Variants in PTK2 observed in about 807,000 individuals in gnomAD.
The protein encoded by PTK2 is focal adhesion kinase 1.
PTK2 carries 45 observed loss-of-function variants against 150.1 expected under a neutral mutation model. That is an observed-to-expected ratio of 0.30 (90% CI 0.24 to 0.38). PTK2 has a LOEUF of 0.38. PTK2 is among the 10% of genes least tolerant of loss of function. The pLI, the probability that PTK2 is intolerant of heterozygous loss-of-function variation, is 1.00. For synonymous variants in PTK2, 432 were observed against 449.2 expected (o/e 0.96, Z 0.48); for missense variants, 919 against 1,307.3 (o/e 0.70, Z 4.58).
At chr8:140,724,139 AC>A in intron 22 of PTK2, among the ~76,000 whole-genome samples, 1 of 152,166 alleles carries the variant, frequency 6.6e-6, no homozygotes, top group Non-Finnish European at 1.5e-5. Context: ...AGATAGATAA[AC>A]AAGCTGCTTC....
At chr8:140,694,877 T>G (rs1452414425) in intron 26 of PTK2, among the ~76,000 whole-genome samples, 1 of 152,160 alleles carries the variant, frequency 6.6e-6, no homozygotes, top group African/African-American at 2.4e-5. Flanking sequence ...CTTGACAGTG[T>G]CACGAGAGCT....
chr8:140,939,251 CATTTT>C (rs1223840519), intron 1 of PTK2, among the ~76,000 whole-genome samples: 2 of 152,154 alleles, frequency 1.3e-5, no homozygotes, highest in East Asian at 1.9e-4. Flanking sequence ...AAAAACTATA[CATTTT>C]ATTTTTAAAT....
chr8:140,681,337 C>T (rs958494344), intron 27 of PTK2, among the ~76,000 whole-genome samples: 25 of 144,736 alleles, frequency 1.7e-4, no homozygotes, highest in African/African-American at 3.4e-4. Context: ...TAGGTGACAG[C>T]GCGAGACTCC....
chr8:140,899,887 T>G (rs573934745), intron 2 of PTK2, among the ~76,000 whole-genome samples: 48 of 152,302 alleles, frequency 3.2e-4, no homozygotes, highest in African/African-American at 1.0e-3. Context: ...GAAAAAGCAT[T>G]TGATAAAATT....
At chr8:140,980,477 C>T (rs572284358) in intron 1 of PTK2, among the ~76,000 whole-genome samples, 1 of 151,866 alleles carries the variant, frequency 6.6e-6, no homozygotes, top group African/African-American at 2.4e-5. Context: ...AAAAAATTAG[C>T]CGGGCATGGT....
At chr8:140,798,044 G>A (rs140893166) in intron 12 of PTK2, among the ~76,000 whole-genome samples, 1 of 152,240 alleles carries the variant, frequency 6.6e-6, no homozygotes, top group African/African-American at 2.4e-5. Context: ...CATGTAGAAT[G>A]TACTGATCAC....
At chr8:140,700,062 A>G (rs903482583) in intron 26 of PTK2, among the ~76,000 whole-genome samples, 10 of 152,222 alleles carry the variant, frequency 6.6e-5, no homozygotes, top group African/African-American at 2.4e-4. Flanking sequence ...GATTATTTGC[A>G]TTCTGCTGCA....
At chr8:140,744,145 T>C (rs533133013) in intron 19 of PTK2, among the ~76,000 whole-genome samples, 2 of 152,006 alleles carry the variant, frequency 1.3e-5, no homozygotes, top group African/African-American at 2.4e-5. Context: ...AATTCTAATA[T>C]GATACTTGGC....
At chr8:140,694,767 CACA>C (rs2100025443) in intron 26 of PTK2, among the ~76,000 whole-genome samples, 2 of 152,162 alleles carry the variant, frequency 1.3e-5, no homozygotes, top group African/African-American at 4.8e-5. Context: ...TAAAAAGGAC[CACA>C]ACGAGATATA....
At chr8:140,932,458 C>T (rs2100172174) in intron 1 of PTK2, among the ~76,000 whole-genome samples, 1 of 152,010 alleles carries the variant, frequency 6.6e-6, no homozygotes. Context: ...TCCAGTGATC[C>T]ACCCGCATCA....
intron 7 of PTK2, chr8:140,832,765 G>A: frequency 2.0e-6 from 1 of 509,074 alleles, no homozygotes; most frequent in South Asian, 1.4e-5. Context: ...CAGAAAGGTG[G>A]GTGGGCATCA....
At chr8:140,783,715 G>T (rs1284327257) in intron 14 of PTK2, among the ~76,000 whole-genome samples, 1 of 152,132 alleles carries the variant, frequency 6.6e-6, no homozygotes, top group African/African-American at 2.4e-5. Context: ...TTCATTAAAT[G>T]TTTTAATAGT....
intron 14 of PTK2, among the ~76,000 whole-genome samples, chr8:140,777,930 C>T (rs1451674398): frequency 5.3e-5 from 8 of 152,212 alleles, no homozygotes; most frequent in Non-Finnish European, 1.2e-4. Context: ...TTTCCCATGC[C>T]TTCAACTGCC....
At chr8:140,909,619 T>C (rs1254611086) in intron 2 of PTK2, 2 of 152,230 alleles carry the variant, frequency 1.3e-5, no homozygotes, top group Non-Finnish European at 2.9e-5. Context: ...ACAGGTTCCA[T>C]ACCTGTAAAG....
chr8:140,673,631 T>A (rs1170002326), intron 29 of PTK2, among the ~76,000 whole-genome samples: 1 of 152,138 alleles, frequency 6.6e-6, no homozygotes. Context: ...CTCCGTCAGA[T>A]CTCTCAGGGA....
chr8:140,921,164 C>G, intron 2 of PTK2: 4 of 1,190,526 alleles, frequency 3.4e-6, no homozygotes, highest in Non-Finnish European at 4.2e-6. Context: ...CTAGATCAAG[C>G]TACTGAACAG....
At chr8:140,846,345 T>C in intron 6 of PTK2, 23 bp from the exon 7 acceptor site, 1 of 1,600,716 alleles carries the variant, frequency 6.2e-7, no homozygotes, top group African/African-American at 1.3e-5. Context: ...AAGACATACA[T>C]TTATATGTAT....
At chr8:140,985,745 A>G (rs1233942010) in intron 1 of PTK2, among the ~76,000 whole-genome samples, 1 of 152,232 alleles carries the variant, frequency 6.6e-6, no homozygotes, top group Non-Finnish European at 1.5e-5. Context: ...AATGGGAGAC[A>G]CTGGGTCTAA....
chr8:140,855,779 G>A (rs187827456), intron 5 of PTK2, among the ~76,000 whole-genome samples: 41 of 152,190 alleles, frequency 2.7e-4, no homozygotes, highest in African/African-American at 9.1e-4. Context: ...GCTGCAAGGA[G>A]GACAAATGGG....
Sources: gnomAD v4.1 joint callset for allele counts (sites outside exome capture counted in the v4.1 genomes callset) on GRCh38, gnomAD v4.1.1 for gene constraint, MANE v1.5 for transcripts, NCBI Gene and HGNC (gene_info 2026-07-23, HGNC 2026-07-21) for gene names.